GIGYF2: variants seen among roughly 807,000 people sequenced by gnomAD.
The protein encoded by GIGYF2 is GRB10-interacting GYF protein 2.
Under a neutral mutation model 208.1 loss-of-function variants are expected in GIGYF2, and 25 were observed. That is an observed-to-expected ratio of 0.12 (90% CI 0.09 to 0.17). The LOEUF (loss-of-function observed/expected upper bound fraction) is 0.17. Ranked by LOEUF, GIGYF2 falls within the 10% of genes least tolerant of loss-of-function variation. GIGYF2 has a pLI of 1.00. For synonymous variants in GIGYF2, 534 were observed against 543.8 expected (o/e 0.98, Z 0.25); for missense variants, 1,302 against 1,579.4 (o/e 0.82, Z 2.98).
At chr2:232,730,095 A>C (rs1697392672) in intron 2 of GIGYF2, 2 of 1,260,942 alleles carry the variant, frequency 1.6e-6, no homozygotes, top group South Asian at 2.5e-5. Flanking sequence ...AAATACTGCC[A>C]CATCTGCTTG....
intron 21 of GIGYF2, 148 bp downstream of exon 21, chr2:232,820,133 C>G (rs1701031343): frequency 1.3e-6 from 1 of 756,334 alleles, no homozygotes; most frequent in African/African-American, 1.8e-5. Flanking sequence ...CTTATTACTT[C>G]TGTCTAAATT....
chr2:232,701,968 C>T (rs1028283360), intron 1 of GIGYF2, among the ~76,000 whole-genome samples: 13 of 151,658 alleles, frequency 8.6e-5, no homozygotes, highest in African/African-American at 1.9e-4. Context: ...TGAGACCAGC[C>T]GGGGCAACAG....
intron 21 of GIGYF2, among the ~76,000 whole-genome samples, chr2:232,827,099 G>A (rs1177476708): frequency 2.6e-5 from 4 of 152,156 alleles, no homozygotes; most frequent in Non-Finnish European, 5.9e-5. Context: ...CAAAGGACAG[G>A]CTGACTCTCT....
rs1285621128 is a variant in GIGYF2 at position 232,826,813 on chromosome 2, G to A, written c.2530-6044G>A. Among the ~76,000 whole-genome samples the A allele has an allele frequency of 2.6e-5, 4 of 152,310 alleles. No individual in the cohort carries two copies. In the East Asian group the frequency reaches 7.7e-4, roughly 29 times the overall value. ...ACTGCAGATAAATCTTTCATAGAAAGTAGAGTCAGTCAATGCAGCAGACTT... is the reference window on the plus strand; with the variant it reads ...ACTGCAGATAAATCTTTCATAGAAAATAGAGTCAGTCAATGCAGCAGACTT... On this transcript the variant is annotated intron_variant, in intron 21 of 28. Transcript: ENST00000373563.
rs112547321 is a variant in GIGYF2 at position 232,856,506 on chromosome 2, A to G, written c.3833-287A>G. On this transcript the variant is annotated intron_variant, in intron 28 of 28. Transcript: ENST00000373563. ...GGAGTTCAAGACCAGACTGGCCAAC[A>G]TGGTGAAACCCTATCTCTACTAAAA... Among the ~76,000 whole-genome samples, 14,499 of 152,026 alleles carry G rather than the reference A, an allele frequency of 0.095. 965 individuals carry two copies. Among genetic ancestry groups the G allele is most frequent in the African/African-American group, 0.17 (7,250 of 41,454 alleles).
At chr2:232,825,797 T>C (rs1003372092) in intron 21 of GIGYF2, among the ~76,000 whole-genome samples, 1 of 152,074 alleles carries the variant, frequency 6.6e-6, no homozygotes, top group Non-Finnish European at 1.5e-5. Flanking sequence ...TGTTGGTTTG[T>C]GTACCCATCA....
At chr2:232,739,247 A>G (rs2106301663) in intron 3 of GIGYF2, among the ~76,000 whole-genome samples, 1 of 151,582 alleles carries the variant, frequency 6.6e-6, no homozygotes, top group South Asian at 2.1e-4. Context: ...AATTCTAGCT[A>G]CTCAAGAGGC....
In GIGYF2 at chr2:232,771,239, G is replaced by A. The variant is rs200415013; in HGVS notation, c.532+9803G>A. Reference sequence around the variant, plus strand: ...TCCATTAGGATTCCCCAAGCATCTCGAAGATATGCAAGACCTCTTTGAGCG... The same window carrying A: ...TCCATTAGGATTCCCCAAGCATCTCAAAGATATGCAAGACCTCTTTGAGCG... On this transcript the variant is annotated intron_variant, in intron 8 of 28. Transcript: ENST00000373563. The A allele has an allele frequency of 6.2e-7, 1 of 1,610,174 alleles. No homozygotes were observed. The highest frequency in any genetic ancestry group is 1.1e-5 in the South Asian group (1 of 90,872).
chr2:232,818,853 A>C (rs1211801791), intron 20 of GIGYF2, among the ~76,000 whole-genome samples: 1 of 152,196 alleles, frequency 6.6e-6, no homozygotes, highest in East Asian at 1.9e-4. Context: ...ATTGTTGGAC[A>C]TGAGGGTTGT....
At chr2:232,834,865 T>C (rs1701532451) in intron 22 of GIGYF2, among the ~76,000 whole-genome samples, 1 of 152,142 alleles carries the variant, frequency 6.6e-6, no homozygotes, top group Admixed American at 6.6e-5. Flanking sequence ...TTTATATATA[T>C]TTAGGGCATG....
intron 2 of GIGYF2, among the ~76,000 whole-genome samples, chr2:232,728,902 G>A (rs1697327388): frequency 2.0e-5 from 3 of 151,630 alleles, no homozygotes. Context: ...TTCAAATCCT[G>A]AATTGCTTTA....
At chr2:232,771,526 G>T in intron 8 of GIGYF2, 2 of 545,212 alleles carry the variant, frequency 3.7e-6, no homozygotes, top group South Asian at 3.0e-5. Context: ...CACGTTAGAT[G>T]GCATTTACTA....
chr2:232,703,489 G>A lies in GIGYF2; in HGVS notation c.-44G>A, dbSNP rs1211434607. The A allele has an allele frequency of 2.0e-5, 3 of 152,656 alleles. No individual in the cohort carries two copies. The highest frequency in any genetic ancestry group is 6.5e-5 in the Admixed American group (1 of 15,278). 9.5% of individuals were successfully genotyped at this position (152,656 alleles called of 1,614,324 possible). ...TGTGAACCAGCAGAATTTTTGAACA[G>A]GTAAGTGTGGAAGGGAAGCACAAAG... is the stretch of plus-strand genomic sequence containing the variant. On this transcript the variant is annotated splice_region_variant and 5_prime_UTR_variant, in exon 2 of 29. Coordinates refer to ENST00000373563, the MANE Select transcript of GIGYF2 (RefSeq NM_001103146.3).
At chr2:232,794,418 C>T (rs1312333067) in intron 12 of GIGYF2, among the ~76,000 whole-genome samples, 2 of 152,156 alleles carry the variant, frequency 1.3e-5, no homozygotes, top group African/African-American at 4.8e-5. Context: ...TTAACTTTTA[C>T]AATTGGAGAC....
At chr2:232,816,689 T>C (rs1460082518) in intron 19 of GIGYF2, among the ~76,000 whole-genome samples, 182 bp from the exon 20 acceptor site, 1 of 152,216 alleles carries the variant, frequency 6.6e-6, no homozygotes, top group East Asian at 1.9e-4. Flanking sequence ...GGTTGAATAG[T>C]ATTAATATTC....
At chr2:232,833,765 A>G (rs1280669344) in intron 22 of GIGYF2, among the ~76,000 whole-genome samples, 49 of 152,164 alleles carry the variant, frequency 3.2e-4, no homozygotes, top group Admixed American at 3.2e-3. Flanking sequence ...AAACGTTCAG[A>G]TGTGTAAATG....
In GIGYF2 at chr2:232,724,094, G is replaced by A. The variant is rs556487219; in HGVS notation, c.-43-11061G>A. 1.1e-4 allele frequency among the ~76,000 whole-genome samples: 17 copies of A among 151,808 alleles called. No homozygotes were observed. In the South Asian group the frequency reaches 3.5e-3, roughly 32 times the overall value. The stretch of plus-strand genomic sequence containing the variant: ...CTTGCTCTGTCACCCAGGCTGGAGT[G>A]CAGTGGTGTGATCTCAGCTCACAGC... On this transcript the variant is annotated intron_variant, in intron 2 of 28. Transcript: ENST00000373563.
intron 2 of GIGYF2, among the ~76,000 whole-genome samples, chr2:232,726,107 C>T (rs1697188287): frequency 6.6e-6 from 1 of 152,084 alleles, no homozygotes; most frequent in Non-Finnish European, 1.5e-5. Context: ...CACCTGTAAT[C>T]CACCTGTAAT....
At chr2:232,728,514 G>C (rs1697308995) in intron 2 of GIGYF2, among the ~76,000 whole-genome samples, 1 of 152,184 alleles carries the variant, frequency 6.6e-6, no homozygotes. Context: ...AGTTTCAGAT[G>C]ATCTAGGCTT....
Sources: gnomAD v4.1 joint callset for allele counts (sites outside exome capture counted in the v4.1 genomes callset) on GRCh38, gnomAD v4.1.1 for gene constraint, MANE v1.5 for transcripts, NCBI Gene and HGNC (gene_info 2026-07-23, HGNC 2026-07-21) for gene names.